Variants in FGD5 observed in about 807,000 individuals in gnomAD.
The protein encoded by FGD5 is FYVE, RhoGEF and PH domain-containing protein 5.
In FGD5, 28 loss-of-function variants were observed where a neutral mutation model predicts 133.4. The ratio of observed to expected loss-of-function variants is 0.21; its 90% CI spans 0.16 to 0.29. The LOEUF (loss-of-function observed/expected upper bound fraction) is 0.29, where lower values mean the gene tolerates loss of function less well. Among genes scored for constraint, FGD5 ranks in the 10% least tolerant of loss-of-function variants. The pLI, the probability that FGD5 is intolerant of heterozygous loss-of-function variation, is 1.00. For missense variants in FGD5, 1,858 were observed against 1,895.2 expected, an observed-to-expected ratio of 0.98 and a Z score of 0.36; for synonymous variants, 810 against 776.5, an observed-to-expected ratio of 1.04 and a Z score of -0.72.
At chr3:14,848,686 A>G (rs2037101870) in intron 1 of FGD5, among the ~76,000 whole-genome samples, 1 of 152,240 alleles carries the variant, frequency 6.6e-6, no homozygotes, top group African/African-American at 2.4e-5. Flanking sequence ...AAAAGATTAT[A>G]AATTAACTTA....
intron 1 of FGD5, among the ~76,000 whole-genome samples, chr3:14,830,428 G>T (rs2036684566): frequency 1.3e-5 from 2 of 151,698 alleles, no homozygotes; most frequent in African/African-American, 4.9e-5. Flanking sequence ...CGCACTCATT[G>T]TAACATTACT....
chr3:14,856,858 T>A (rs1481629831), intron 1 of FGD5, among the ~76,000 whole-genome samples: 1 of 152,230 alleles, frequency 6.6e-6, no homozygotes, highest in Non-Finnish European at 1.5e-5. Context: ...TCCTTTCTAA[T>A]TTGGATGCCT....
rs2038795812 is a variant in FGD5, at chr3:14,926,008, G to T, written c.4069-62G>T. Reference sequence around the variant, plus strand: ...GGTTTGCAGTGTCATTTTGAATTGTGCTCTGTTTGAACTGTGCCTGACCAC... The same window carrying T: ...GGTTTGCAGTGTCATTTTGAATTGTTCTCTGTTTGAACTGTGCCTGACCAC... On this transcript the variant is annotated intron_variant, in intron 17 of 19. Transcript: ENST00000285046. The T allele has an allele frequency of 1.7e-5, 27 of 1,598,836 alleles. No individual in the cohort carries two copies. In the South Asian group the frequency reaches 2.8e-4, roughly 16 times the overall value.
In FGD5 at chr3:14,819,020, G is replaced by A. The variant is rs199936359; in HGVS notation, c.-52G>A. On this transcript the variant is annotated 5_prime_UTR_variant, in exon 1 of 20. Transcript: ENST00000285046. The surrounding 1 kb of genome is among the most constrained non-coding windows in gnomAD (Gnocchi z 4.1). ...CCAGTCCACTGACGCCAGTGACCGC[G>A]CCCAAATTCCCTTCCTCAGCCAGGC... 5,619 of 1,489,102 alleles carry A rather than the reference G, an allele frequency of 3.8e-3. 16 individuals carry two copies. Among genetic ancestry groups the A allele is most frequent in the Non-Finnish European group, 4.2e-3 (4,655 of 1,118,148 alleles). The allele number at this position is 1,489,102 out of a possible 1,614,324, so 92.2% of individuals were successfully genotyped here.
At chr3:14,914,439 A>G (rs1438178438) in intron 11 of FGD5, among the ~76,000 whole-genome samples, 1 of 152,252 alleles carries the variant, frequency 6.6e-6, no homozygotes, top group Non-Finnish European at 1.5e-5. Context: ...TAAAGCATAT[A>G]CTTTGAAGCA....
intron 17 of FGD5, 120 bp from the exon 18 acceptor site, chr3:14,925,950 C>T: frequency 7.6e-7 from 1 of 1,315,134 alleles, no homozygotes; most frequent in Non-Finnish European, 1.0e-6. Flanking sequence ...AGACCTTATC[C>T]AGTGTCAAAG....
chr3:14,897,966 C>T lies in FGD5; in HGVS notation c.2937C>T (p.Val979=). Reference sequence around the variant, plus strand: ...AGAGCCAGCAGAAGGTAGCTGACGTCTTCCTGGCCCGGGAGCAGGGGTTTG... The same window carrying T: ...AGAGCCAGCAGAAGGTAGCTGACGTTTTCCTGGCCCGGGAGCAGGGGTTTG... The part of the protein sequence containing the change: ...NWESQQKVAD[V]FLAREQGFDH... The change falls in exon 6 of 20, where the codon GTC becomes GTT. Residue 979 remains valine, a synonymous_variant. Transcript: ENST00000285046. 1 of 1,613,990 alleles carries T rather than the reference C, an allele frequency of 6.2e-7. No homozygotes were observed. The highest frequency in any genetic ancestry group is 1.1e-5 in the South Asian group (1 of 91,072).
chr3:14,886,559 C>T (rs1162578458), intron 4 of FGD5, among the ~76,000 whole-genome samples: 1 of 152,260 alleles, frequency 6.6e-6, no homozygotes, highest in Non-Finnish European at 1.5e-5. Context: ...GCTCTCCCCT[C>T]CGATGAGGCT....
chr3:14,837,015 C>G (rs1189626050), intron 1 of FGD5, among the ~76,000 whole-genome samples: 1 of 152,102 alleles, frequency 6.6e-6, no homozygotes. Context: ...TAGGGTGCAC[C>G]AAGACCAAGG....
In FGD5 at chr3:14,864,253, C is replaced by T. The variant is rs1444264200; in HGVS notation, c.2651C>T (p.Thr884Ile). 6.2e-7 allele frequency: 1 copy of T among 1,613,816 alleles called. No individual in the cohort carries two copies. The highest frequency in any genetic ancestry group is 8.5e-7 in the Non-Finnish European group (1 of 1,179,860). Reference sequence around the variant, plus strand: ...AGTGCTTCAAGAGACCCCAGTGTCACCCACAAGGTAGGGCACCCCACAGGT... The same window carrying T: ...AGTGCTTCAAGAGACCCCAGTGTCATCCACAAGGTAGGGCACCCCACAGGT... ...EDSASRDPSV[T>I]HKVEGQSRAL... Residue 884 changes from threonine (T) to isoleucine (I), a missense_variant, in exon 2 of 20, where the codon ACC becomes ATC. Physicochemically the swap from Thr to Ile is moderately conservative, Grantham distance 89. Coordinates refer to ENST00000285046, the MANE Select transcript of FGD5 (RefSeq NM_152536.4).
chr3:14,860,199 A>G (rs562331387), intron 1 of FGD5, among the ~76,000 whole-genome samples: 269 of 152,324 alleles, frequency 1.8e-3, no homozygotes, highest in Non-Finnish European at 2.4e-3. Context: ...ACCCCTAGGT[A>G]TGCCGTGGCT....
intron 16 of FGD5, 119 bp downstream of exon 16, chr3:14,923,294 C>A: frequency 7.2e-7 from 1 of 1,385,094 alleles, no homozygotes; most frequent in Non-Finnish European, 9.7e-7. Flanking sequence ...GGGAGTTATT[C>A]ACTCCATGGA....
At position 14,821,248 on chromosome 3, in the gene FGD5, G is replaced by T; in HGVS notation, c.2177G>T (p.Arg726Ile). Residue 726 changes from arginine (R) to isoleucine (I), a missense_variant, in exon 1 of 20, where the codon AGA (arginine) becomes ATA (isoleucine). Around this residue, in one of 3 missense-constraint regions of FGD5, gnomAD observed 1,824 missense variants for 1,848.9 expected, o/e 0.99. Coordinates refer to ENST00000285046, the MANE Select transcript of FGD5 (RefSeq NM_152536.4). ...SESPSSLIFY[R>I]DGKRKGVPFS... The stretch of plus-strand genomic sequence containing the variant: ...TCCCCCTCCTCCCTCATCTTTTATA[G>T]AGATGGCAAGAGGAAAGGTGTCCCC... The T allele has an allele frequency of 6.2e-6, 10 of 1,613,894 alleles. No homozygotes were observed. The highest frequency in any genetic ancestry group is 7.6e-6 in the Non-Finnish European group (9 of 1,179,882).
intron 1 of FGD5, among the ~76,000 whole-genome samples, chr3:14,845,688 A>T (rs2037037231): frequency 6.6e-6 from 1 of 152,182 alleles, no homozygotes; most frequent in African/African-American, 2.4e-5. Flanking sequence ...ATCAGAAACA[A>T]GATCCCCAGG....
Position 14,933,460 on chromosome 3 carries a change from A to G in FGD5, c.*293A>G, listed in dbSNP as rs2038933148. On this transcript the variant is annotated 3_prime_UTR_variant, in exon 20 of 20. Coordinates refer to ENST00000285046, the MANE Select transcript of FGD5 (RefSeq NM_152536.4). ...CCGCAGTGAGTTAAAATTTAGTAAGATGAAGATGTGGAAACCAATGAAAAG... is the reference window on the plus strand; with the variant it reads ...CCGCAGTGAGTTAAAATTTAGTAAGGTGAAGATGTGGAAACCAATGAAAAG... The G allele has an allele frequency of 2.1e-5, 8 of 375,542 alleles. No individual in the cohort carries two copies. The South Asian group carries it at 3.5e-4, about 16-fold the overall frequency. The allele number at this position is 375,542 out of a possible 1,614,324, so 23.3% of individuals were successfully genotyped here.
chr3:14,819,201 A>G lies in FGD5; in HGVS notation c.130A>G (p.Arg44Gly), dbSNP rs1332496189. The G allele has an allele frequency of 3.2e-6, 5 of 1,550,500 alleles. No homozygotes were observed. Among genetic ancestry groups the G allele is most frequent in the Non-Finnish European group, 4.4e-6 (5 of 1,146,648 alleles). Residue 44 changes from arginine to glycine, a missense_variant, in exon 1 of 20, where the codon AGG becomes GGG. Arg to Gly is a moderately radical substitution (Grantham distance 125). Transcript: ENST00000285046. This position sits in a 1 kb window ranked among gnomAD's most constrained non-coding sequence, Gnocchi z 4.1. ...CAACGGGCGGCTGCCCTGTGTAGAC[A>G]GGGGGCTTGATGAGGGGCCCCGGTC... is the stretch of plus-strand genomic sequence containing the variant. ...CSNGRLPCVD[R>G]GLDEGPRSIP...
chr3:14,894,505 C>CT (rs55912541), intron 4 of FGD5, among the ~76,000 whole-genome samples: 107 of 127,194 alleles, frequency 8.4e-4, no homozygotes, highest in Middle Eastern at 3.8e-3. Context: ...TTTGTTAGTT[C>CT]TTTTTTTTTT....
At chr3:14,855,681 C>A (rs141128009) in intron 1 of FGD5, among the ~76,000 whole-genome samples, 1 of 151,446 alleles carries the variant, frequency 6.6e-6, no homozygotes, top group African/African-American at 2.4e-5. Context: ...CTATTCATAT[C>A]ATTTACCCAT....
chr3:14,897,680 C>A lies in FGD5; in HGVS notation c.2909+11C>A. ...AAGGCTGTCAAATTGGTGAGCAGTC[C>A]CTGGACCCCCGGGTTCCACTTTTGT... is the stretch of plus-strand genomic sequence containing the variant. On this transcript the variant is annotated intron_variant, in intron 5 of 19. Coordinates refer to ENST00000285046, the MANE Select transcript of FGD5 (RefSeq NM_152536.4). 6.3e-7 allele frequency: 1 copy of A among 1,591,380 alleles called. No individual in the cohort carries two copies. Among genetic ancestry groups the A allele is most frequent in the Non-Finnish European group, 8.6e-7 (1 of 1,169,530 alleles).
Sources: allele counts gnomAD v4.1 joint callset (sites outside exome capture counted in the v4.1 genomes callset), GRCh38; gene constraint gnomAD v4.1.1; regional missense constraint gnomAD v4.1.1; non-coding constraint Gnocchi (gnomAD v3.1); transcripts MANE v1.5; gene names NCBI Gene and HGNC (gene_info 2026-07-23, HGNC 2026-07-21).